The following KCTD1 variants were observed in gnomAD, a reference collection of about 807,000 sequenced individuals.
KCTD1 encodes the protein potassium channel tetramerization domain containing 1.
A neutral mutation model predicts 66.0 loss-of-function variants in KCTD1; 24 were observed. That is an observed-to-expected ratio of 0.36 (90% CI 0.26 to 0.51). The LOEUF is 0.51. Ranked by LOEUF, KCTD1 falls within the 20% of genes least tolerant of loss-of-function variation. The probability of loss-of-function intolerance (pLI) is 0.95; values close to 1 mark genes in which losing one functional copy is unlikely to be tolerated. For synonymous variants in KCTD1, 511 were observed against 517.2 expected, an observed-to-expected ratio of 0.99 and a Z score of 0.16; for missense variants, 943 against 1,205.2, an observed-to-expected ratio of 0.78 and a Z score of 3.22.
chr18:26,600,406 G>C, intron 1 of KCTD1: 1 of 832,694 alleles, frequency 1.2e-6, no homozygotes, highest in Non-Finnish European at 2.0e-6. Flanking sequence ...ATCCCACCAC[G>C]GTGTCTCCTC....
At chr18:26,471,299 G>A (rs1016820683) in intron 3 of KCTD1, among the ~76,000 whole-genome samples, 2 of 151,796 alleles carry the variant, frequency 1.3e-5, no homozygotes, top group Admixed American at 1.3e-4. Flanking sequence ...AAAGCTCGAT[G>A]TATTCTGCTT....
At position 26,523,883 on chromosome 18, in the gene KCTD1, C is replaced by T. The variant is rs188921005; in HGVS notation, c.1810-22633G>A. 8.5e-4 allele frequency among the ~76,000 whole-genome samples: 129 copies of T among 152,198 alleles called. 1 individual carries two copies. The highest frequency in any genetic ancestry group is 3.0e-3 in the African/African-American group (124 of 41,520). ...TAGGAGATCAAACTCTGGCTGGTGC[C>T]GGAATGATGACCTGGATTCTGGGGT... On this transcript the variant is annotated intron_variant, in intron 1 of 4. Coordinates refer to ENST00000580059, the MANE Select transcript of KCTD1 (RefSeq NM_001142730.3).
intron 1 of KCTD1, among the ~76,000 whole-genome samples, chr18:26,533,801 G>C (rs553333633): frequency 6.3e-5 from 9 of 142,806 alleles, no homozygotes; most frequent in African/African-American, 2.4e-4. Context: ...CTCCTGGCCT[G>C]TGAGAATATT....
chr18:26,519,570 C>T (rs538945033), intron 1 of KCTD1, among the ~76,000 whole-genome samples: 2 of 152,238 alleles, frequency 1.3e-5, no homozygotes, highest in South Asian at 2.1e-4. Context: ...TGATATTAAC[C>T]GTCAATCAAC....
upstream of KCTD1, among the ~76,000 whole-genome samples, chr18:26,549,975 C>T (rs1111209): frequency 6.6e-6 from 1 of 152,060 alleles, no homozygotes; most frequent in Admixed American, 6.5e-5. Context: ...CCGGGGACCT[C>T]GGCTGTTCTC....
intron 1 of KCTD1, among the ~76,000 whole-genome samples, chr18:26,562,258 T>C (rs1305458148): frequency 6.6e-6 from 1 of 152,080 alleles, no homozygotes; most frequent in Non-Finnish European, 1.5e-5. Context: ...TTGTTTGTTT[T>C]TGAGATAGGG....
chr18:26,516,376 T>C (rs1983657420), intron 1 of KCTD1, among the ~76,000 whole-genome samples: 1 of 152,166 alleles, frequency 6.6e-6, no homozygotes, highest in Non-Finnish European at 1.5e-5. Flanking sequence ...CCCTTTTGTA[T>C]GAGAGAAGTT....
intron 2 of KCTD1, among the ~76,000 whole-genome samples, chr18:26,500,681 T>C (rs1468792740): frequency 6.6e-6 from 1 of 152,160 alleles, no homozygotes; most frequent in Non-Finnish European, 1.5e-5. Flanking sequence ...AGTTCACAAG[T>C]TGATGAACCA....
chr18:26,527,670 T>C (rs990986488), intron 1 of KCTD1, among the ~76,000 whole-genome samples: 1 of 152,122 alleles, frequency 6.6e-6, no homozygotes, highest in African/African-American at 2.4e-5. Flanking sequence ...GTGATAACAG[T>C]GTGTCAATGT....
Position 26,569,756 on chromosome 18 carries a change from C to T in KCTD1, c.-16+59391G>A, listed in dbSNP as rs181108586. Among the ~76,000 whole-genome samples, 5 of 152,256 alleles carry T rather than the reference C, an allele frequency of 3.3e-5. No homozygotes were observed. The East Asian group carries it at 7.7e-4, about 23-fold the overall frequency. ...ACTTGATCTTAACCCTCTCCTAGCT[C>T]GGATCTGAAATCATCTATTGGAATT... On this transcript the variant is annotated intron_variant, in intron 1 of 4. Transcript: ENST00000317932.
chr18:26,497,385 C>T (rs769262360), intron 2 of KCTD1, among the ~76,000 whole-genome samples: 1 of 152,068 alleles, frequency 6.6e-6, no homozygotes, highest in Non-Finnish European at 1.5e-5. Context: ...GGGTTTGAAG[C>T]ACCCCAGAAT....
At chr18:26,528,118 C>T (rs777180657) in intron 1 of KCTD1, among the ~76,000 whole-genome samples, 15 of 152,290 alleles carry the variant, frequency 9.8e-5, no homozygotes, top group African/African-American at 1.4e-4. Context: ...TATTTCTAGA[C>T]GGTGCTCTTA....
intron 1 of KCTD1, among the ~76,000 whole-genome samples, chr18:26,620,376 A>ACC (rs1568011876): frequency 3.5e-5 from 4 of 113,958 alleles, no homozygotes; most frequent in Non-Finnish European, 1.8e-5. Flanking sequence ...AAAAAAAAAA[A>ACC]AAAAAAAAAC....
chr18:26,508,775 G>C (rs1983185157), intron 1 of KCTD1, among the ~76,000 whole-genome samples: 1 of 151,734 alleles, frequency 6.6e-6, no homozygotes, highest in Admixed American at 6.6e-5. Context: ...TGGCATACTT[G>C]GATATGGGAA....
intron 1 of KCTD1, among the ~76,000 whole-genome samples, chr18:26,597,699 G>A (rs1986799795): frequency 1.4e-5 from 2 of 147,112 alleles, no homozygotes; most frequent in African/African-American, 5.0e-5. Context: ...TGTCACCTAG[G>A]CTGGAGTGCA....
chr18:26,547,534 C>T lies in KCTD1; in HGVS notation c.1003G>A (p.Gly335Arg). 3.0e-5 allele frequency: 47 copies of T among 1,551,654 alleles called. No homozygotes were observed. The highest frequency in any genetic ancestry group is 4.1e-5 in the Non-Finnish European group (47 of 1,146,994). ...CGACCGTCCTCGTCCATGGCCAGCCCAAAAGAGTCCTCCTCCAACTCACGC... is the reference window on the plus strand; with the variant it reads ...CGACCGTCCTCGTCCATGGCCAGCCTAAAAGAGTCCTCCTCCAACTCACGC... ...NQRELEEDSF[G>R]LAMDEDGRKF... Residue 335 changes from glycine to arginine, a missense_variant, in exon 1 of 5, where the codon GGG becomes AGG. By Grantham distance (125) the Gly-to-Arg change is moderately radical (BLOSUM62 -2). Around this residue, in one of 10 missense-constraint regions of KCTD1, gnomAD observed 66 missense variants for 61.6 expected, o/e 1.07. Transcript: ENST00000580059.
intron 1 of KCTD1, among the ~76,000 whole-genome samples, chr18:26,506,043 T>A: frequency 6.7e-6 from 1 of 149,142 alleles, no homozygotes; most frequent in South Asian, 2.1e-4. Context: ...CCCTGGCTAA[T>A]TTTTTTTTTC....
At chr18:26,472,797 G>A (rs1395603630) in intron 3 of KCTD1, among the ~76,000 whole-genome samples, 2 of 152,242 alleles carry the variant, frequency 1.3e-5, no homozygotes, top group Admixed American at 6.5e-5. Flanking sequence ...GCAAGCACCT[G>A]CTTTCTAGAA....
At chr18:26,545,376 G>C (rs1985161227) in intron 1 of KCTD1, 1 of 152,180 alleles carries the variant, frequency 6.6e-6, no homozygotes, top group South Asian at 2.1e-4. Flanking sequence ...CTACACACCT[G>C]AAGTACAGAA....
Sources: gnomAD v4.1 joint callset for allele counts (sites outside exome capture counted in the v4.1 genomes callset) on GRCh38, gnomAD v4.1.1 for gene constraint, gnomAD v4.1.1 regional missense constraint, MANE v1.5 for transcripts, NCBI Gene and HGNC (gene_info 2026-07-23, HGNC 2026-07-21) for gene names.